The following CFAP61 variants were observed in gnomAD, a reference collection of about 807,000 sequenced individuals.
CFAP61 encodes cilia and flagella associated protein 61.
In CFAP61, 107 loss-of-function variants were observed where a neutral mutation model predicts 135.6. The observed-to-expected ratio is 0.79, with a 90% CI of 0.67 to 0.93. CFAP61 has a LOEUF of 0.93. CFAP61 is among the 40% of genes least tolerant of loss of function. The pLI, the probability that CFAP61 is intolerant of heterozygous loss-of-function variation, is 0.00. For missense variants in CFAP61, 1,507 were observed against 1,556.2 expected (o/e 0.97, Z 0.53); for synonymous variants, 575 against 578.5 (o/e 0.99, Z 0.09).
chr20:20,165,279 C>T (rs1369386234), intron 11 of CFAP61, among the ~76,000 whole-genome samples: 2 of 152,194 alleles, frequency 1.3e-5, no homozygotes, highest in African/African-American at 2.4e-5. Flanking sequence ...TGTGTTCATT[C>T]CTGAGCCAAC....
chr20:20,199,623 A>G (rs2056499034), intron 16 of CFAP61, 145 bp from the exon 17 acceptor site: 1 of 743,746 alleles, frequency 1.3e-6, no homozygotes, highest in East Asian at 2.5e-5. Context: ...CTGCTCGAAG[A>G]GTATGTTTGT....
At chr20:20,266,906 GTC>G in intron 21 of CFAP61, among the ~76,000 whole-genome samples, 1 of 152,186 alleles carries the variant, frequency 6.6e-6, no homozygotes, top group East Asian at 1.9e-4. Flanking sequence ...ACTCAGGACA[GTC>G]TCTCATACAT....
chr20:20,161,958 C>A (rs990334696), intron 10 of CFAP61, among the ~76,000 whole-genome samples: 1 of 152,178 alleles, frequency 6.6e-6, no homozygotes, highest in Non-Finnish European at 1.5e-5. Flanking sequence ...TGGCTTATAA[C>A]AACACAAATT....
chr20:20,056,731 T>A lies in CFAP61; in HGVS notation c.78T>A (p.Cys26Ter). Residue 26 changes from cysteine (C) to a stop codon, truncating the protein, a stop_gained, in exon 2 of 27, where the codon TGT becomes TGA. Coordinates refer to ENST00000245957, the MANE Select transcript of CFAP61 (RefSeq NM_015585.4). LOFTEE classifies it high-confidence loss of function. ...GAACAGAATCACAGGATGTTTATTG[T>A]ATCAAAAGCCTTATTAGAAAATTTA... The part of the protein sequence containing the change: ...CRRTESQDVY[C>*]IKSLIRKFTC... 1 of 1,614,078 alleles carries A rather than the reference T, an allele frequency of 6.2e-7. No homozygotes were observed. Among genetic ancestry groups the A allele is most frequent in the Non-Finnish European group, 8.5e-7 (1 of 1,179,888 alleles).
chr20:20,155,311 C>T (rs551889400), intron 9 of CFAP61, among the ~76,000 whole-genome samples: 1 of 152,182 alleles, frequency 6.6e-6, no homozygotes, highest in Non-Finnish European at 1.5e-5. Flanking sequence ...AGAGGTAAAG[C>T]CGTAAAAATT....
At chr20:20,307,363 C>T (rs945715962) in intron 25 of CFAP61, among the ~76,000 whole-genome samples, 3 of 152,188 alleles carry the variant, frequency 2.0e-5, no homozygotes, top group Non-Finnish European at 2.9e-5. Context: ...CTTCCCACAT[C>T]ATGGGATAGA....
At chr20:20,060,950 T>G (rs2044754060) in intron 2 of CFAP61, among the ~76,000 whole-genome samples, 1 of 152,196 alleles carries the variant, frequency 6.6e-6, no homozygotes. Flanking sequence ...TCAGATGGCT[T>G]TAGCCACTGC....
chr20:20,097,988 A>G (rs2047708405), intron 7 of CFAP61, among the ~76,000 whole-genome samples: 1 of 152,162 alleles, frequency 6.6e-6, no homozygotes, highest in South Asian at 2.1e-4. Context: ...AAGAAAGTAG[A>G]CAGGAGCGCC....
At chr20:20,296,033 TTCTTC>T (rs2055434574) in intron 24 of CFAP61, among the ~76,000 whole-genome samples, 1 of 46,272 alleles carries the variant, frequency 2.2e-5, no homozygotes, top group Non-Finnish European at 4.9e-5. Flanking sequence ...CTTCTTTCTT[TTCTTC>T]CTCCCTCCCT....
chr20:20,140,212 C>CT lies in CFAP61; in HGVS notation c.860-2642dup, dbSNP rs972537111. Among the ~76,000 whole-genome samples, 10 of 129,586 alleles carry CT rather than the reference C, an allele frequency of 7.7e-5. No homozygotes were observed. In the East Asian group the frequency reaches 9.6e-4, roughly 12 times the overall value. The allele number at this position is 129,586 out of a possible 152,430, so 85.0% of individuals were successfully genotyped here. On this transcript the variant is annotated intron_variant, in intron 8 of 26. Coordinates refer to ENST00000245957, the MANE Select transcript of CFAP61 (RefSeq NM_015585.4). The stretch of plus-strand genomic sequence containing the variant: ...TATTTTTTATTTTATTATTATTATA[C>CT]TTTAAGTTTTAGGGTACATGTGCAC...
Position 20,164,043 on chromosome 20 carries a change from G to A in CFAP61, c.1027-7G>A. On this transcript the variant is annotated splice_polypyrimidine_tract_variant and splice_region_variant and intron_variant, in intron 10 of 26. Transcript: ENST00000245957. ...TCTCATTGGCTCCTCCTGTCTCCTT[G>A]CTCTAGGACATAGAAAAACTCAGTG... 4 of 1,596,608 alleles carry A rather than the reference G, an allele frequency of 2.5e-6. No individual in the cohort carries two copies. The highest frequency in any genetic ancestry group is 3.4e-6 in the Non-Finnish European group (4 of 1,170,432).
intron 25 of CFAP61, among the ~76,000 whole-genome samples, chr20:20,331,036 T>C (rs2057970865): frequency 6.6e-6 from 1 of 152,250 alleles, no homozygotes; most frequent in Non-Finnish European, 1.5e-5. Context: ...ATACCTTATG[T>C]CTCATAATTT....
chr20:20,298,032 G>T, intron 24 of CFAP61, 149 bp from the exon 25 acceptor site: 1 of 609,492 alleles, frequency 1.6e-6, no homozygotes, highest in Non-Finnish European at 2.9e-6. Context: ...ACCTTCTGCC[G>T]AGTTTAGTCA....
intron 25 of CFAP61, among the ~76,000 whole-genome samples, chr20:20,339,596 A>G (rs2058360440): frequency 6.6e-6 from 1 of 152,050 alleles, no homozygotes; most frequent in South Asian, 2.1e-4. Flanking sequence ...CAGCCTCCCT[A>G]GTAGCTGGGA....
chr20:20,273,025 G>A (rs963890654), intron 21 of CFAP61, among the ~76,000 whole-genome samples: 2 of 151,534 alleles, frequency 1.3e-5, no homozygotes, highest in Non-Finnish European at 2.9e-5. Context: ...AGGACTAGAG[G>A]TGCGTGCCAT....
At chr20:20,292,754 C>T (rs2055081096) in intron 24 of CFAP61, among the ~76,000 whole-genome samples, 1 of 152,094 alleles carries the variant, frequency 6.6e-6, no homozygotes, top group Non-Finnish European at 1.5e-5. Context: ...CTCAGAGTAG[C>T]CAGACTGCTC....
chr20:20,270,700 G>A (rs1237692476), intron 21 of CFAP61, among the ~76,000 whole-genome samples: 5 of 137,602 alleles, frequency 3.6e-5, no homozygotes. Flanking sequence ...TTTTTTTTAA[G>A]ACAGAGCCTG....
chr20:20,129,090 A>G (rs2050304184), intron 8 of CFAP61, among the ~76,000 whole-genome samples: 1 of 151,648 alleles, frequency 6.6e-6, no homozygotes, highest in South Asian at 2.1e-4. Flanking sequence ...TTATGAATAG[A>G]TTGCACTCCC....
rs186813280 is a variant in CFAP61 at position 20,053,247 on chromosome 20, A to T, written c.-37+656A>T. ...AGGTTAAGAGAATTTTTTTTAATAG[A>T]CATTTTTAGAGAAGTTTTAGGTTCA... is the stretch of plus-strand genomic sequence containing the variant. On this transcript the variant is annotated intron_variant, in intron 1 of 26. Coordinates refer to ENST00000245957, the MANE Select transcript of CFAP61 (RefSeq NM_015585.4). 4.4e-4 allele frequency among the ~76,000 whole-genome samples: 65 copies of T among 148,238 alleles called. No homozygotes were observed. In the East Asian group the frequency reaches 0.013, roughly 29 times the overall value.
Sources: gnomAD v4.1 joint callset for allele counts (sites outside exome capture counted in the v4.1 genomes callset) on GRCh38, gnomAD v4.1.1 for gene constraint, MANE v1.5 for transcripts, NCBI Gene and HGNC (gene_info 2026-07-23, HGNC 2026-07-21) for gene names.